The following SCYL3 variants were observed in gnomAD, a reference collection of about 807,000 sequenced individuals.
SCYL3 encodes the protein protein-associating with the carboxyl-terminal domain of ezrin.
A neutral mutation model predicts 73.8 loss-of-function variants in SCYL3; 35 were observed. That is an observed-to-expected ratio of 0.47 (90% CI 0.36 to 0.63). SCYL3 has a LOEUF of 0.63. SCYL3 is among the 20% of genes least tolerant of loss of function. The pLI is 0.00. For synonymous variants in SCYL3, 277 were observed against 295.2 expected, an observed-to-expected ratio of 0.94 and a Z score of 0.63; for missense variants, 712 against 798.9, an observed-to-expected ratio of 0.89 and a Z score of 1.31.
intron 10 of SCYL3, among the ~76,000 whole-genome samples, chr1:169,860,229 CTAAG>C (rs1353382585): frequency 6.6e-6 from 1 of 152,238 alleles, no homozygotes. Flanking sequence ...TGATTTCCAT[CTAAG>C]TTAGTCTAAC....
chr1:169,873,624 G>C, intron 5 of SCYL3, 72 bp downstream of exon 5: 1 of 975,378 alleles, frequency 1.0e-6, no homozygotes, highest in Non-Finnish European at 1.6e-6. Flanking sequence ...AGTAAGCAGA[G>C]GAAAGTTTTT....
chr1:169,865,784 G>A (rs1043751344), intron 8 of SCYL3, among the ~76,000 whole-genome samples: 6 of 152,020 alleles, frequency 3.9e-5, no homozygotes, highest in Non-Finnish European at 5.9e-5. Flanking sequence ...GTACCTGTTC[G>A]TTCCTCCTAC....
At chr1:169,855,802 G>T in intron 11 of SCYL3, 1 of 1,612,396 alleles carries the variant, frequency 6.2e-7, no homozygotes, top group Non-Finnish European at 8.5e-7. Flanking sequence ...CTACCTGTCT[G>T]TAAAAGAGTA....
intron 7 of SCYL3, among the ~76,000 whole-genome samples, chr1:169,868,247 C>T (rs921811838): frequency 6.6e-6 from 1 of 152,118 alleles, no homozygotes; most frequent in Non-Finnish European, 1.5e-5. Context: ...TTCTCAAGCT[C>T]TAAATGCAAA....
In SCYL3 at chr1:169,852,056, C is replaced by A. The variant is rs1275909714; in HGVS notation, c.*1657G>T. 1 of 1,378,454 alleles carries A rather than the reference C, an allele frequency of 7.3e-7. No individual in the cohort carries two copies. The highest frequency in any genetic ancestry group is 1.9e-5 in the Admixed American group (1 of 53,422). 85.4% of individuals were successfully genotyped at this position (1,378,454 alleles called of 1,614,324 possible). ...ATGCTGAATTTCAAATCAAATAGAT[C>A]TAGACATGTAAAATTCTGTTTTATG... On this transcript the variant is annotated 3_prime_UTR_variant, in exon 13 of 13. Transcript: ENST00000367771.
chr1:169,860,521 T>G (rs1264944224), intron 10 of SCYL3, among the ~76,000 whole-genome samples: 2 of 152,234 alleles, frequency 1.3e-5, no homozygotes, highest in Non-Finnish European at 2.9e-5. Flanking sequence ...TTGGTCTTTT[T>G]ATTTTTCTGG....
At position 169,888,785 on chromosome 1, in the gene SCYL3, G is replaced by GTAAA; in HGVS notation, c.52_55dup (p.Thr19IlefsTer26). 1 of 1,614,048 alleles carries GTAAA rather than the reference G, an allele frequency of 6.2e-7. No homozygotes were observed. Among genetic ancestry groups the GTAAA allele is most frequent in the Non-Finnish European group, 8.5e-7 (1 of 1,179,958 alleles). On this transcript the variant is annotated frameshift_variant, in exon 2 of 13. Coordinates refer to ENST00000367771, the MANE Select transcript of SCYL3 (RefSeq NM_020423.7). LOFTEE classifies it high-confidence loss of function. ...ATAAACAGCAAGTCCAGAGGGTAAGGTAAATGGTGGTTCTCTCAGTGTATA... is the reference window on the plus strand; with the variant it reads ...ATAAACAGCAAGTCCAGAGGGTAAGGTAAATAAATGGTGGTTCTCTCAGTGTATA...
chr1:169,868,942 A>C lies in SCYL3; in HGVS notation c.723T>G (p.Ser241=). ...KCRPALCTLL[S]HDFFRNDFLE... The stretch of plus-strand genomic sequence containing the variant: ...GATGCCCTCACCTGAAGAAGTCATG[A>C]GATAGTAAGGTGCAGAGCGCTGGCC... The change falls in exon 7 of 13, where the codon TCT becomes TCG. Residue 241 remains serine, a synonymous_variant. Coordinates refer to ENST00000367771, the MANE Select transcript of SCYL3 (RefSeq NM_020423.7). 1 of 1,613,540 alleles carries C rather than the reference A, an allele frequency of 6.2e-7. No individual in the cohort carries two copies. Among genetic ancestry groups the C allele is most frequent in the South Asian group, 1.1e-5 (1 of 91,050 alleles).
intron 11 of SCYL3, among the ~76,000 whole-genome samples, chr1:169,856,852 A>G (rs957796369): frequency 2.0e-5 from 3 of 152,230 alleles, no homozygotes; most frequent in Non-Finnish European, 4.4e-5. Context: ...AACGCTCTTT[A>G]AAACTTCAGG....
In SCYL3 at chr1:169,852,298, T is replaced by C; in HGVS notation, c.*1415A>G. On this transcript the variant is annotated 3_prime_UTR_variant, in exon 13 of 13. Transcript: ENST00000367771. ...CTTATTAATCAAATGAGTCTCCTAA[T>C]AATTTTTGGCAGTAACTGAAGATCA... is the stretch of plus-strand genomic sequence containing the variant. 1 of 308,234 alleles carries C rather than the reference T, an allele frequency of 3.2e-6. No homozygotes were observed. The highest frequency in any genetic ancestry group is 6.1e-6 in the Non-Finnish European group (1 of 163,560). The allele number at this position is 308,234 out of a possible 1,614,324, so 19.1% of individuals were successfully genotyped here. A position where few individuals can be genotyped will look rare whatever the true frequency, so the allele number is the denominator to read the frequency against.
intron 11 of SCYL3, among the ~76,000 whole-genome samples, chr1:169,856,363 C>T (rs1659159108): frequency 6.6e-6 from 1 of 152,210 alleles, no homozygotes; most frequent in African/African-American, 2.4e-5. Context: ...CAAAACTATA[C>T]ACTTAAAAGT....
chr1:169,850,360 T>C lies in SCYL3; in HGVS notation c.*3353A>G. 1 of 1,545,542 alleles carries C rather than the reference T, an allele frequency of 6.5e-7. No individual in the cohort carries two copies. The highest frequency in any genetic ancestry group is 8.9e-7 in the Non-Finnish European group (1 of 1,126,672). On this transcript the variant is annotated 3_prime_UTR_variant, in exon 13 of 13. Coordinates refer to ENST00000367771, the MANE Select transcript of SCYL3 (RefSeq NM_020423.7). ...TTCTGGAGAAGGTACTTTCTTTACA[T>C]GGCTCATGTTTTATTCTTTGTCCTA...
chr1:169,853,049 C>T lies in SCYL3; in HGVS notation c.*664G>A. ...TCAACTGAAAATACTTATGTCTGTA[C>T]ATTTTCTAACAGATATAAAACAAAT... is the stretch of plus-strand genomic sequence containing the variant. On this transcript the variant is annotated 3_prime_UTR_variant, in exon 13 of 13. Coordinates refer to ENST00000367771, the MANE Select transcript of SCYL3 (RefSeq NM_020423.7). 1 of 1,507,268 alleles carries T rather than the reference C, an allele frequency of 6.6e-7. No homozygotes were observed. Among genetic ancestry groups the T allele is most frequent in the South Asian group, 1.2e-5 (1 of 85,918 alleles). 93.4% of individuals were successfully genotyped at this position (1,507,268 alleles called of 1,614,324 possible). A position where few individuals can be genotyped will look rare whatever the true frequency, so the allele number is the denominator to read the frequency against.
Position 169,849,851 on chromosome 1 carries a change from C to G in SCYL3, c.*3862G>C, listed in dbSNP as rs1052160145. The G allele has an allele frequency of 2.0e-6, 1 of 505,258 alleles. No individual in the cohort carries two copies. Among genetic ancestry groups the G allele is most frequent in the South Asian group, 2.4e-5 (1 of 41,092 alleles). 31.3% of individuals were successfully genotyped at this position (505,258 alleles called of 1,614,324 possible). A position where few individuals can be genotyped will look rare whatever the true frequency, so the allele number is the denominator to read the frequency against. Reference sequence around the variant, plus strand: ...GGCATACACAGCAGGCCTACTGATACAGACAGACACAGACACAGTCTTCCA... The same window carrying G: ...GGCATACACAGCAGGCCTACTGATAGAGACAGACACAGACACAGTCTTCCA... On this transcript the variant is annotated 3_prime_UTR_variant, in exon 13 of 13. Coordinates refer to ENST00000367771, the MANE Select transcript of SCYL3 (RefSeq NM_020423.7).
At chr1:169,861,299 TAAGAA>T (rs896535653) in intron 10 of SCYL3, among the ~76,000 whole-genome samples, 10 of 152,190 alleles carry the variant, frequency 6.6e-5, no homozygotes, top group African/African-American at 2.2e-4. Flanking sequence ...ACCTACACTT[TAAGAA>T]GGCTTCTTTT....
intron 12 of SCYL3, 79 bp from the exon 13 acceptor site, chr1:169,853,851 G>T (rs368577799): frequency 6.6e-7 from 1 of 1,523,344 alleles, no homozygotes; most frequent in Admixed American, 1.7e-5. Flanking sequence ...GAAAAAGCAG[G>T]AATTTAAAAT....
chr1:169,875,475 C>G (rs1423343323), intron 4 of SCYL3, among the ~76,000 whole-genome samples: 1 of 152,152 alleles, frequency 6.6e-6, no homozygotes, highest in Non-Finnish European at 1.5e-5. Flanking sequence ...TGCACAGGTC[C>G]TAAATCCCGC....
In SCYL3 at chr1:169,882,121, G is replaced by A. The variant is rs370524784; in HGVS notation, c.166-3302C>T. On this transcript the variant is annotated intron_variant, in intron 2 of 12. Coordinates refer to ENST00000367771, the MANE Select transcript of SCYL3 (RefSeq NM_020423.7). Reference sequence around the variant, plus strand: ...CAGGGAGGTGTGAAGGGAGAGGTGCGAGCGGGAACTGGGGCTGCCCACGCA... The same window carrying A: ...CAGGGAGGTGTGAAGGGAGAGGTGCAAGCGGGAACTGGGGCTGCCCACGCA... Among the ~76,000 whole-genome samples the A allele has an allele frequency of 3.9e-5, 6 of 152,322 alleles. No individual in the cohort carries two copies. The East Asian group carries it at 7.7e-4, about 20-fold the overall frequency.
chr1:169,867,028 T>C (rs566439558), intron 7 of SCYL3, 55 bp from the exon 8 acceptor site: 9 of 985,044 alleles, frequency 9.1e-6, no homozygotes, highest in Non-Finnish European at 1.3e-5. Context: ...ATGTTAAATA[T>C]TGAGGTCATA....
Sources: allele counts gnomAD v4.1 joint callset (sites outside exome capture counted in the v4.1 genomes callset), GRCh38; gene constraint gnomAD v4.1.1; transcripts MANE v1.5; gene names NCBI Gene and HGNC (gene_info 2026-07-23, HGNC 2026-07-21).